WDR43: variants seen among roughly 807,000 people sequenced by gnomAD.
WDR43 encodes WD repeat-containing protein 43.
A neutral mutation model predicts 91.4 loss-of-function variants in WDR43; 13 were observed. The ratio of observed to expected loss-of-function variants is 0.14; its 90% CI spans 0.09 to 0.23. WDR43 has a LOEUF of 0.23. Among genes scored for constraint, WDR43 ranks in the 10% least tolerant of loss-of-function variants. The probability of loss-of-function intolerance (pLI) is 1.00; values close to 1 mark genes in which losing one functional copy is unlikely to be tolerated. For missense variants in WDR43, 780 were observed against 809.4 expected, an observed-to-expected ratio of 0.96 and a Z score of 0.44; for synonymous variants, 331 against 287.9, an observed-to-expected ratio of 1.15 and a Z score of -1.51.
At chr2:28,941,426 C>T (rs755063760) in intron 14 of WDR43, 35 bp from the exon 15 acceptor site, 20 of 1,521,442 alleles carry the variant, frequency 1.3e-5, no homozygotes, top group East Asian at 6.8e-5. Flanking sequence ...ATCTCTAATA[C>T]GTTAATAGTG....
At chr2:28,905,466 A>G (rs1670661896) in intron 2 of WDR43, among the ~76,000 whole-genome samples, 1 of 152,208 alleles carries the variant, frequency 6.6e-6, no homozygotes, top group Non-Finnish European at 1.5e-5. Context: ...TGTTTACCTG[A>G]AGTAACAGTG....
intron 3 of WDR43, among the ~76,000 whole-genome samples, chr2:28,911,276 G>A (rs967316047): frequency 6.0e-5 from 9 of 150,298 alleles, no homozygotes; most frequent in Non-Finnish European, 1.3e-4. Flanking sequence ...AGAACCATAC[G>A]TTTTCTTCCA....
intron 8 of WDR43, 87 bp downstream of exon 8, chr2:28,925,240 T>C (rs1671106340): frequency 8.1e-7 from 1 of 1,229,472 alleles, no homozygotes; most frequent in African/African-American, 1.5e-5. Flanking sequence ...ACATTGGTCT[T>C]TAAGATAAAT....
In WDR43 at chr2:28,929,609, G is replaced by C. The variant is rs1484858891; in HGVS notation, c.1336G>C (p.Asp446His). 3.7e-6 allele frequency: 6 copies of C among 1,613,364 alleles called. No homozygotes were observed. Among genetic ancestry groups the C allele is most frequent in the Non-Finnish European group, 4.2e-6 (5 of 1,179,648 alleles). Residue 446 changes from aspartate (D) to histidine (H), a missense_variant, in exon 11 of 18, where the codon GAT (aspartate) becomes CAT (histidine). Asp to His is a moderately conservative substitution (Grantham distance 81, BLOSUM62 -1). Coordinates refer to ENST00000407426, the MANE Select transcript of WDR43 (RefSeq NM_015131.3). ...CATTGAAGAACGTCTGGGAGCAATG[G>C]ATATAGACACACACAAAAAAGGAAA... ...VSIEERLGAM[D>H]IDTHKKGKED...
At chr2:28,913,875 A>G (rs1238529398) in intron 4 of WDR43, 194 bp from the exon 5 acceptor site, 3 of 725,868 alleles carry the variant, frequency 4.1e-6, no homozygotes, top group East Asian at 2.6e-5. Flanking sequence ...GTATTTTCAG[A>G]TGGATTTTTT....
chr2:28,904,380 T>C (rs1412644250), intron 2 of WDR43, among the ~76,000 whole-genome samples: 2 of 152,206 alleles, frequency 1.3e-5, no homozygotes, highest in Non-Finnish European at 2.9e-5. Flanking sequence ...TAATAATGTA[T>C]TGAAAGTGCC....
At chr2:28,928,052 T>G (rs943205149) in intron 10 of WDR43, 2 of 217,820 alleles carry the variant, frequency 9.2e-6, no homozygotes, top group South Asian at 1.4e-4. Flanking sequence ...CTCTTGGCTG[T>G]CTGAGCAATC....
chr2:28,945,313 A>G (rs1263170947), intron 16 of WDR43, among the ~76,000 whole-genome samples: 8 of 152,248 alleles, frequency 5.3e-5, no homozygotes, highest in African/African-American at 1.2e-4. Context: ...GTTTTATCCA[A>G]TGCCCAGTTT....
chr2:28,912,784 A>ATCTTATG (rs1670828154), intron 4 of WDR43, 74 bp downstream of exon 4: 1 of 1,550,376 alleles, frequency 6.5e-7, no homozygotes, highest in Non-Finnish European at 8.7e-7. Flanking sequence ...TTTGAACCAT[A>ATCTTATG]AGATATTATT....
At chr2:28,927,872 A>T in intron 10 of WDR43, 172 bp downstream of exon 10, 2 of 1,010,956 alleles carry the variant, frequency 2.0e-6, no homozygotes, top group Non-Finnish European at 2.8e-6. Context: ...CTAGATTGTC[A>T]TCTTTGTTTA....
chr2:28,930,351 A>G (rs928038562), intron 11 of WDR43, among the ~76,000 whole-genome samples: 3 of 152,192 alleles, frequency 2.0e-5, no homozygotes, highest in African/African-American at 7.2e-5. Flanking sequence ...TAAGTGAAAA[A>G]CAGTTCGATT....
intron 1 of WDR43, among the ~76,000 whole-genome samples, chr2:28,896,277 T>G (rs1289745583): frequency 6.6e-6 from 1 of 152,176 alleles, no homozygotes; most frequent in East Asian, 1.9e-4. Flanking sequence ...CTATATTTGA[T>G]TCTAGCCTCT....
chr2:28,918,052 A>T, intron 6 of WDR43, 57 bp downstream of exon 6: 1 of 1,427,404 alleles, frequency 7.0e-7, no homozygotes. Flanking sequence ...TTATTTTTAC[A>T]GTCAAGGTTT....
At chr2:28,903,925 C>T (rs541019943) in intron 2 of WDR43, among the ~76,000 whole-genome samples, 11 of 152,266 alleles carry the variant, frequency 7.2e-5, no homozygotes, top group African/African-American at 2.6e-4. Context: ...GTGCCTCAGC[C>T]TCCTGAGTAG....
Position 28,929,612 on chromosome 2 carries a change from A to G in WDR43, c.1339A>G (p.Ile447Val), listed in dbSNP as rs1283032576. 5 of 1,613,624 alleles carry G rather than the reference A, an allele frequency of 3.1e-6. No homozygotes were observed. The highest frequency in any genetic ancestry group is 1.7e-5 in the Admixed American group (1 of 59,978). ...TGAAGAACGTCTGGGAGCAATGGAT[A>G]TAGACACACACAAAAAAGGAAAGGA... ...SIEERLGAMD[I>V]DTHKKGKEDL... Residue 447 changes from isoleucine (I) to valine (V), a missense_variant, in exon 11 of 18, where the codon ATA (isoleucine) becomes GTA (valine). Physicochemically the swap from Ile to Val is conservative, Grantham distance 29. This residue lies in a region of WDR43 where 426 missense variants were observed against 467.8 expected (regional missense o/e 0.91). Coordinates refer to ENST00000407426, the MANE Select transcript of WDR43 (RefSeq NM_015131.3).
chr2:28,921,660 G>A lies in WDR43; in HGVS notation c.850-1259G>A, dbSNP rs530594193. Reference sequence around the variant, plus strand: ...TGGATGCCTGTCAGTTGGAGTTGCAGAACGGGGAACTAGAAAATTTGATGG... The same window carrying A: ...TGGATGCCTGTCAGTTGGAGTTGCAAAACGGGGAACTAGAAAATTTGATGG... On this transcript the variant is annotated intron_variant, in intron 6 of 17. Coordinates refer to ENST00000407426, the MANE Select transcript of WDR43 (RefSeq NM_015131.3). Among the ~76,000 whole-genome samples, 46 of 152,180 alleles carry A rather than the reference G, an allele frequency of 3.0e-4. 1 individual carries two copies. Among genetic ancestry groups the A allele is most frequent in the Non-Finnish European group, 5.9e-4 (40 of 68,040 alleles).
chr2:28,923,637 G>T (rs1671077952), intron 7 of WDR43, among the ~76,000 whole-genome samples: 1 of 152,016 alleles, frequency 6.6e-6, no homozygotes, highest in South Asian at 2.1e-4. Context: ...AACAGATTAT[G>T]AAAAAAGTGT....
At position 28,929,568 on chromosome 2, in the gene WDR43, C is replaced by G. The variant is rs370594314; in HGVS notation, c.1306-11C>G. The stretch of plus-strand genomic sequence containing the variant: ...TCTGGTAACACATTAACAATCCTTT[C>G]TGTTCTGTAGGTTAGCATTGAAGAA... On this transcript the variant is annotated splice_polypyrimidine_tract_variant and intron_variant, in intron 10 of 17. Coordinates refer to ENST00000407426, the MANE Select transcript of WDR43 (RefSeq NM_015131.3). The G allele has an allele frequency of 4.0e-4, 629 of 1,589,652 alleles. 1 individual carries two copies. The highest frequency in any genetic ancestry group is 5.0e-4 in the Middle Eastern group (3 of 5,954).
chr2:28,925,986 C>T (rs72784102), intron 8 of WDR43, among the ~76,000 whole-genome samples: 4,055 of 152,186 alleles, frequency 0.027, 80 homozygotes, highest in Non-Finnish European at 0.037. Flanking sequence ...ATCTGACTCC[C>T]CCGATCCTAT....
Sources: allele counts gnomAD v4.1 joint callset (sites outside exome capture counted in the v4.1 genomes callset), GRCh38; gene constraint gnomAD v4.1.1; regional missense constraint gnomAD v4.1.1; transcripts MANE v1.5; gene names NCBI Gene and HGNC (gene_info 2026-07-23, HGNC 2026-07-21).